The following MARCHF7 variants were observed in gnomAD, a reference collection of about 807,000 sequenced individuals.
MARCHF7 encodes the protein membrane associated ring-CH-type finger 7, also known as E3 ubiquitin-protein ligase MARCHF7.
MARCHF7 carries 20 observed loss-of-function variants against 76.5 expected under a neutral mutation model. The observed-to-expected ratio is 0.26, with a 90% CI of 0.18 to 0.38. The LOEUF is 0.38. MARCHF7 is among the 10% of genes least tolerant of loss of function. The pLI is 1.00. For synonymous variants in MARCHF7, 295 were observed against 293.0 expected (o/e 1.01, Z -0.07); for missense variants, 797 against 812.9 (o/e 0.98, Z 0.24).
Position 159,747,128 on chromosome 2 carries a change from C to T in MARCHF7, c.515-677C>T, listed in dbSNP as rs186969290. 1.3e-3 allele frequency among the ~76,000 whole-genome samples: 200 copies of T among 152,210 alleles called. 1 individual carries two copies. In the Middle Eastern group the frequency reaches 0.014, roughly 10 times the overall value. On this transcript the variant is annotated intron_variant, in intron 6 of 11. Transcript: ENST00000409175. ...TCTCATCCCATTTGAAGATTTAAACCACCAGTTAAGGAATCCTTTGAAAAG... is the reference window on the plus strand; with the variant it reads ...TCTCATCCCATTTGAAGATTTAAACTACCAGTTAAGGAATCCTTTGAAAAG...
At chr2:159,733,811 T>C in intron 4 of MARCHF7, 1 of 985,448 alleles carries the variant, frequency 1.0e-6, no homozygotes, top group South Asian at 4.7e-5. Context: ...TTCTGAAATC[T>C]AGAAATATAG....
chr2:159,722,844 ATC>A (rs751881809), intron 3 of MARCHF7, among the ~76,000 whole-genome samples: 125 of 152,210 alleles, frequency 8.2e-4, no homozygotes, highest in Non-Finnish European at 1.4e-3. Context: ...ATATCAAATT[ATC>A]TCTCTCAAAG....
chr2:159,751,873 T>A (rs1315084288), intron 7 of MARCHF7, among the ~76,000 whole-genome samples: 3 of 152,130 alleles, frequency 2.0e-5, no homozygotes, highest in Admixed American at 1.3e-4. Context: ...AATACAAAAG[T>A]TTATCAGTTT....
intron 4 of MARCHF7, among the ~76,000 whole-genome samples, chr2:159,736,680 A>G (rs1413416629): frequency 6.6e-6 from 1 of 152,222 alleles, no homozygotes; most frequent in Non-Finnish European, 1.5e-5. Flanking sequence ...AAATGATTTC[A>G]TTGACTATAC....
chr2:159,759,261 T>C lies in MARCHF7; in HGVS notation c.1819T>C (p.Cys607Arg), dbSNP rs1323464573. Reference protein sequence around the residue: ...SLEAVTTCELCKEKLELNLED... With the variant: ...SLEAVTTCELRKEKLELNLED... ...AGAAGCTGTAACCACCTGTGAACTA[T>C]GTAAAGAGAAGTTGGAGCTTAACCT... Residue 607 changes from cysteine to arginine, a missense_variant, in exon 9 of 12, where the codon TGT (cysteine) becomes CGT (arginine). Around this residue, in one of 3 missense-constraint regions of MARCHF7, gnomAD observed 124 missense variants for 121.3 expected, o/e 1.02. Transcript: ENST00000409175. 1 of 1,611,462 alleles carries C rather than the reference T, an allele frequency of 6.2e-7. No homozygotes were observed. Among genetic ancestry groups the C allele is most frequent in the Non-Finnish European group, 8.5e-7 (1 of 1,178,076 alleles).
In MARCHF7 at chr2:159,712,520, T is replaced by A. The variant is rs549411259; in HGVS notation, c.-229T>A. The A allele has an allele frequency of 6.6e-6, 1 of 152,594 alleles. No individual in the cohort carries two copies. Among genetic ancestry groups the A allele is most frequent in the African/African-American group, 2.4e-5 (1 of 41,350 alleles). The allele number at this position is 152,594 out of a possible 1,614,324, so 9.5% of individuals were successfully genotyped here. A position where few individuals can be genotyped will look rare whatever the true frequency, so the allele number is the denominator to read the frequency against. Reference sequence around the variant, plus strand: ...CGGTGGTGGCTGGTTCTGCGCCGGATCCGGGAGAGGGGCGGGCGCCATTGT... The same window carrying A: ...CGGTGGTGGCTGGTTCTGCGCCGGAACCGGGAGAGGGGCGGGCGCCATTGT... On this transcript the variant is annotated 5_prime_UTR_variant, in exon 1 of 12. Coordinates refer to ENST00000409175, the MANE Select transcript of MARCHF7 (RefSeq NM_001282805.2).
chr2:159,752,314 C>T lies in MARCHF7; in HGVS notation c.1614-88C>T, dbSNP rs1705752709. 3.1e-6 allele frequency: 4 copies of T among 1,273,540 alleles called. No individual in the cohort carries two copies. In the Admixed American group the frequency reaches 1.3e-4, roughly 41 times the overall value. The allele number at this position is 1,273,540 out of a possible 1,614,324, so 78.9% of individuals were successfully genotyped here. ...CCAGAGACAGTGTGAGTAGAAATAA[C>T]AAAAAAGAAAGCTTGTGATTATGTA... On this transcript the variant is annotated intron_variant, in intron 7 of 11. Transcript: ENST00000409175.
chr2:159,741,973 G>C (rs1315599348), intron 4 of MARCHF7, among the ~76,000 whole-genome samples: 1 of 152,046 alleles, frequency 6.6e-6, no homozygotes, highest in Non-Finnish European at 1.5e-5. Flanking sequence ...AAAAAGAATA[G>C]TACAATTTCA....
At chr2:159,737,561 G>C (rs1703606492) in intron 4 of MARCHF7, among the ~76,000 whole-genome samples, 1 of 152,188 alleles carries the variant, frequency 6.6e-6, no homozygotes, top group Admixed American at 6.5e-5. Flanking sequence ...CCAAATCTGG[G>C]AGGATTGCTT....
At chr2:159,713,232 A>G (rs781565882) in intron 1 of MARCHF7, among the ~76,000 whole-genome samples, 2 of 152,224 alleles carry the variant, frequency 1.3e-5, no homozygotes, top group Non-Finnish European at 2.9e-5. Flanking sequence ...AGGTGATTGT[A>G]TTAAAAATGG....
Position 159,747,992 on chromosome 2 carries a change from C to T in MARCHF7, c.702C>T (p.Ser234=), listed in dbSNP as rs1705111651. Residue 234 remains serine, a synonymous_variant, in exon 7 of 12, where the codon TCC becomes TCT. Transcript: ENST00000409175. ...TTTCTTCAAGAGAATCAGAATCTTC[C>T]CGAAGCAATACGCAGCCTGGATTTT... The part of the protein sequence containing the change: ...SNFSSRESES[S]RSNTQPGFSY... The T allele has an allele frequency of 6.2e-7, 1 of 1,613,908 alleles. No homozygotes were observed. The highest frequency in any genetic ancestry group is 1.1e-5 in the South Asian group (1 of 91,070).
intron 4 of MARCHF7, among the ~76,000 whole-genome samples, chr2:159,732,639 A>C (rs919336588): frequency 6.6e-6 from 1 of 152,150 alleles, no homozygotes; most frequent in Non-Finnish European, 1.5e-5. Flanking sequence ...CAGCCTCCTG[A>C]GTAGCTGGGA....
At chr2:159,729,269 C>A in intron 4 of MARCHF7, 94 bp downstream of exon 4, 1 of 862,306 alleles carries the variant, frequency 1.2e-6, no homozygotes, top group Non-Finnish European at 1.7e-6. Context: ...TTAGCTGGAT[C>A]TGAGGCATCC....
chr2:159,753,983 A>G (rs1371102710), intron 8 of MARCHF7, among the ~76,000 whole-genome samples: 4 of 152,220 alleles, frequency 2.6e-5, no homozygotes, highest in African/African-American at 9.6e-5. Flanking sequence ...AGGAAGCTGA[A>G]AAGGGAACCA....
intron 3 of MARCHF7, among the ~76,000 whole-genome samples, chr2:159,717,868 A>C (rs1701212444): frequency 6.6e-6 from 1 of 152,228 alleles, no homozygotes; most frequent in Admixed American, 6.5e-5. Context: ...CATATACTTA[A>C]TATAAGTAAT....
rs997847368 is a variant in MARCHF7, at chr2:159,769,357, T to C, written c.*2015T>C. On this transcript the variant is annotated 3_prime_UTR_variant, in exon 12 of 12. Transcript: ENST00000409175. The stretch of plus-strand genomic sequence containing the variant: ...GATGTTCTGGTATATAAAGAAAAAA[T>C]GTAGGCCAAGTGTGGTGGCTCACGC... The C allele has an allele frequency of 6.6e-6, 1 of 152,086 alleles. No individual in the cohort carries two copies. Among genetic ancestry groups the C allele is most frequent in the Non-Finnish European group, 1.5e-5 (1 of 68,040 alleles). 9.4% of individuals were successfully genotyped at this position (152,086 alleles called of 1,614,324 possible).
chr2:159,734,007 TCTG>T, intron 4 of MARCHF7: 1 of 1,339,142 alleles, frequency 7.5e-7, no homozygotes, highest in East Asian at 2.7e-5. Context: ...TGCTGTTACT[TCTG>T]CTATCCCATC....
rs943167887 is a variant in MARCHF7 at position 159,767,554 on chromosome 2, G to A, written c.*212G>A. The A allele has an allele frequency of 4.8e-6, 2 of 413,346 alleles. No homozygotes were observed. The highest frequency in any genetic ancestry group is 8.2e-5 in the East Asian group (2 of 24,466). 25.6% of individuals were successfully genotyped at this position (413,346 alleles called of 1,614,324 possible). The stretch of plus-strand genomic sequence containing the variant: ...CTGGACTTTTTAACATAGCAAATCC[G>A]ATGTTTATAAACTGGTAATCAAAAA... On this transcript the variant is annotated 3_prime_UTR_variant, in exon 12 of 12. Coordinates refer to ENST00000409175, the MANE Select transcript of MARCHF7 (RefSeq NM_001282805.2).
intron 3 of MARCHF7, among the ~76,000 whole-genome samples, chr2:159,718,617 G>A (rs1701294900): frequency 6.6e-6 from 1 of 152,124 alleles, no homozygotes; most frequent in Admixed American, 6.5e-5. Flanking sequence ...GCTTTTAGGA[G>A]TTCACAGCTT....
Sources: gnomAD v4.1 joint callset for allele counts (sites outside exome capture counted in the v4.1 genomes callset) on GRCh38, gnomAD v4.1.1 for gene constraint, gnomAD v4.1.1 regional missense constraint, MANE v1.5 for transcripts, NCBI Gene and HGNC (gene_info 2026-07-23, HGNC 2026-07-21) for gene names.